GSTCD: variants seen among roughly 807,000 people sequenced by gnomAD.
GSTCD encodes the protein glutathione S-transferase C-terminal domain-containing protein.
GSTCD carries 44 observed loss-of-function variants against 68.3 expected under a neutral mutation model. That is an observed-to-expected ratio of 0.64 (90% CI 0.51 to 0.83). The LOEUF (loss-of-function observed/expected upper bound fraction) is 0.83, where lower values mean the gene tolerates loss of function less well. GSTCD is among the 40% of genes least tolerant of loss of function. GSTCD has a pLI of 0.00. For missense variants in GSTCD, 739 were observed against 735.9 expected, an observed-to-expected ratio of 1.00 and a Z score of -0.05; for synonymous variants, 273 against 255.2, an observed-to-expected ratio of 1.07 and a Z score of -0.67.
chr4:105,797,076 G>GTA (rs1392983723), intron 5 of GSTCD, among the ~76,000 whole-genome samples: 6 of 151,254 alleles, frequency 4.0e-5, no homozygotes. Context: ...GTGTGTGTGT[G>GTA]TGTATGTGTG....
Position 105,790,207 on chromosome 4 carries a change from C to G in GSTCD, c.1241-32747C>G, listed in dbSNP as rs547369275. Among the ~76,000 whole-genome samples, 67 of 152,214 alleles carry G rather than the reference C, an allele frequency of 4.4e-4. 1 individual carries two copies. The highest frequency in any genetic ancestry group is 1.6e-3 in the African/African-American group (67 of 41,460). ...AAAACTTCAAACTACACACCTTGAT[C>G]TGGATTTGTTAGTTGGATGCTTCTA... On this transcript the variant is annotated intron_variant, in intron 5 of 11. Transcript: ENST00000515279.
rs755825225 is a variant in GSTCD at position 105,717,952 on chromosome 4, C to T, written c.339C>T (p.Ile113=). 6.2e-7 allele frequency: 1 copy of T among 1,614,014 alleles called. No individual in the cohort carries two copies. Among genetic ancestry groups the T allele is most frequent in the South Asian group, 1.1e-5 (1 of 91,086 alleles). Residue 113 remains isoleucine, a synonymous_variant, in exon 2 of 12, where the codon ATC becomes ATT. Coordinates refer to ENST00000515279, the MANE Select transcript of GSTCD (RefSeq NM_001370181.1). ...TTGCTGTTGTATTGAGACACATAAT[C>T]CAGAAATCCTATGAAGCAGACCCCT... is the stretch of plus-strand genomic sequence containing the variant. The part of the protein sequence containing the change: ...AGLAVVLRHI[I]QKSYEADPLK...
chr4:105,754,160 C>G (rs867218355), intron 5 of GSTCD, among the ~76,000 whole-genome samples: 12 of 152,134 alleles, frequency 7.9e-5, no homozygotes, highest in Middle Eastern at 3.4e-3. Flanking sequence ...TGCTTTGAAC[C>G]AGCTCCTCTT....
chr4:105,832,265 T>G (rs1289130053), intron 8 of GSTCD, among the ~76,000 whole-genome samples: 1 of 152,202 alleles, frequency 6.6e-6, no homozygotes, highest in Non-Finnish European at 1.5e-5. Flanking sequence ...GGTTTTTTTT[T>G]GGTCTATATC....
At chr4:105,790,431 G>A (rs1735619780) in intron 5 of GSTCD, among the ~76,000 whole-genome samples, 1 of 152,064 alleles carries the variant, frequency 6.6e-6, no homozygotes, top group African/African-American at 2.4e-5. Context: ...TTGAGGCCAG[G>A]AGTTCAAGAC....
rs140391557 is a variant in GSTCD at position 105,729,220 on chromosome 4, G to A, written c.1147-186G>A. 4.2e-3 allele frequency among the ~76,000 whole-genome samples: 642 copies of A among 152,102 alleles called. 2 individuals carry two copies. Among genetic ancestry groups the A allele is most frequent in the Middle Eastern group, 0.024 (7 of 294 alleles). On this transcript the variant is annotated intron_variant, in intron 4 of 11. Coordinates refer to ENST00000515279, the MANE Select transcript of GSTCD (RefSeq NM_001370181.1). The stretch of plus-strand genomic sequence containing the variant: ...AATATTAAAAAATAGGAAAGTAATT[G>A]TGATGTCAAAATACTCAACACATGG...
At chr4:105,813,507 T>C (rs994830541) in intron 5 of GSTCD, among the ~76,000 whole-genome samples, 3 of 152,232 alleles carry the variant, frequency 2.0e-5, no homozygotes, top group Admixed American at 1.3e-4. Flanking sequence ...AAATTATGTG[T>C]TTACACTTGA....
chr4:105,823,186 C>T (rs751743204), intron 6 of GSTCD, 45 bp from the exon 7 acceptor site: 1 of 1,607,870 alleles, frequency 6.2e-7, no homozygotes, highest in South Asian at 1.1e-5. Flanking sequence ...TGAGGAAAAG[C>T]TGTGGGGACC....
At chr4:105,798,089 A>G (rs1230546159) in intron 5 of GSTCD, among the ~76,000 whole-genome samples, 3 of 152,152 alleles carry the variant, frequency 2.0e-5, no homozygotes, top group African/African-American at 7.2e-5. Flanking sequence ...CATTTCAACA[A>G]TATTTTCACA....
chr4:105,731,116 C>A (rs545157743), intron 5 of GSTCD, among the ~76,000 whole-genome samples: 1 of 152,248 alleles, frequency 6.6e-6, no homozygotes, highest in East Asian at 1.9e-4. Flanking sequence ...CAGTACCATG[C>A]TGTTTTGGTT....
chr4:105,825,780 A>G lies in GSTCD; in HGVS notation c.1510A>G (p.Thr504Ala). ...CATTCAAGCAAATATGGAATATTTT[A>G]CTGGGATGTTTAATATTGGAGTAAG... ...WFIQANMEYF[T>A]GMFNIGVALH... The change falls in exon 8 of 12, where the codon ACT becomes GCT. Residue 504 changes from threonine (T) to alanine (A), a missense_variant. Coordinates refer to ENST00000515279, the MANE Select transcript of GSTCD (RefSeq NM_001370181.1). 1 of 1,547,000 alleles carries G rather than the reference A, an allele frequency of 6.5e-7. No individual in the cohort carries two copies. Among genetic ancestry groups the G allele is most frequent in the Non-Finnish European group, 8.9e-7 (1 of 1,121,424 alleles).
intron 10 of GSTCD, among the ~76,000 whole-genome samples, chr4:105,838,424 A>C (rs1724207499): frequency 6.6e-6 from 1 of 152,260 alleles, no homozygotes. Context: ...TATGCTGGCC[A>C]TAACAAATCT....
intron 5 of GSTCD, among the ~76,000 whole-genome samples, chr4:105,795,139 G>C (rs1735833297): frequency 6.6e-6 from 1 of 152,006 alleles, no homozygotes; most frequent in Admixed American, 6.5e-5. Flanking sequence ...ACCTCCCAAA[G>C]AGCTGGGATT....
At chr4:105,765,991 G>T (rs1734591719) in intron 5 of GSTCD, among the ~76,000 whole-genome samples, 1 of 152,158 alleles carries the variant, frequency 6.6e-6, no homozygotes, top group East Asian at 1.9e-4. Flanking sequence ...CTTTGTAGCA[G>T]CGTGAGAACA....
Position 105,816,838 on chromosome 4 carries a change from T to G in GSTCD, c.1241-6116T>G, listed in dbSNP as rs375819440. ...AGTCCCAGCTTCACCACTTACCAGT[T>G]GCATGTCTTTGAACAAGTGCAAAGT... On this transcript the variant is annotated intron_variant, in intron 5 of 11. Coordinates refer to ENST00000515279, the MANE Select transcript of GSTCD (RefSeq NM_001370181.1). Among the ~76,000 whole-genome samples, 37 of 152,136 alleles carry G rather than the reference T, an allele frequency of 2.4e-4. 1 individual carries two copies. The East Asian group carries it at 4.8e-3, about 20-fold the overall frequency.
At chr4:105,823,182 A>G in intron 6 of GSTCD, 49 bp from the exon 7 acceptor site, 1 of 1,602,486 alleles carries the variant, frequency 6.2e-7, no homozygotes, top group Non-Finnish European at 8.6e-7. Flanking sequence ...AGAATGAGGA[A>G]AAGCTGTGGG....
chr4:105,792,472 A>G (rs1735715373), intron 5 of GSTCD, among the ~76,000 whole-genome samples: 1 of 152,102 alleles, frequency 6.6e-6, no homozygotes, highest in South Asian at 2.1e-4. Context: ...TTAGGGCACT[A>G]TTAGCAGATC....
rs1054295980 is a variant in GSTCD, at chr4:105,834,655, T to A, written c.1664+61T>A. 12 of 1,474,088 alleles carry A rather than the reference T, an allele frequency of 8.1e-6. No individual in the cohort carries two copies. The Admixed American group carries it at 1.8e-4, about 22-fold the overall frequency. 91.3% of individuals were successfully genotyped at this position (1,474,088 alleles called of 1,614,324 possible). ...TGGGTATAAGCCAGGACACAAAACTTGTTTGATATAAAGTTGCAATGACTT... is the reference window on the plus strand; with the variant it reads ...TGGGTATAAGCCAGGACACAAAACTAGTTTGATATAAAGTTGCAATGACTT... On this transcript the variant is annotated intron_variant, in intron 9 of 11. Coordinates refer to ENST00000515279, the MANE Select transcript of GSTCD (RefSeq NM_001370181.1).
chr4:105,817,226 G>C (rs2149270817), intron 5 of GSTCD, among the ~76,000 whole-genome samples: 1 of 151,954 alleles, frequency 6.6e-6, no homozygotes, highest in East Asian at 1.9e-4. Flanking sequence ...TTAGAGAACA[G>C]TTCTATATAG....
Sources: allele counts gnomAD v4.1 joint callset (sites outside exome capture counted in the v4.1 genomes callset), GRCh38; gene constraint gnomAD v4.1.1; transcripts MANE v1.5; gene names NCBI Gene and HGNC (gene_info 2026-07-23, HGNC 2026-07-21).